The following NEGR1 variants were observed in gnomAD, a reference collection of about 807,000 sequenced individuals.
NEGR1 encodes the protein IgLON family member 4.
A neutral mutation model predicts 40.9 loss-of-function variants in NEGR1; 10 were observed. The ratio of observed to expected loss-of-function variants is 0.24; its 90% CI spans 0.15 to 0.42. The LOEUF is 0.42. NEGR1 is among the 10% of genes least tolerant of loss of function. The pLI is 1.00. For missense variants in NEGR1, 352 were observed against 438.9 expected (o/e 0.80, Z 1.77); for synonymous variants, 185 against 166.8 (o/e 1.11, Z -0.84).
At chr1:71,982,557 T>A (rs1024316208) in intron 1 of NEGR1, among the ~76,000 whole-genome samples, 1 of 152,216 alleles carries the variant, frequency 6.6e-6, no homozygotes, top group African/African-American at 2.4e-5. Flanking sequence ...AGTTACTGGC[T>A]ACTATATTAT....
intron 6 of NEGR1, among the ~76,000 whole-genome samples, chr1:71,589,372 C>T (rs188089240): frequency 6.6e-6 from 1 of 152,258 alleles, no homozygotes; most frequent in East Asian, 1.9e-4. Flanking sequence ...TCTTATCACT[C>T]TACATGGCTT....
intron 6 of NEGR1, among the ~76,000 whole-genome samples, chr1:71,412,098 C>G (rs546118450): frequency 2.0e-5 from 3 of 152,250 alleles, no homozygotes; most frequent in Non-Finnish European, 4.4e-5. Context: ...CAAGTATTCC[C>G]CATTGTCTAT....
At position 72,094,772 on chromosome 1, in the gene NEGR1, T is replaced by C. The variant is rs1479625205; in HGVS notation, c.177-159461A>G. On this transcript the variant is annotated intron_variant, in intron 1 of 6. Transcript: ENST00000357731. ...AAATAAAGTTCTCCTTTTGCCTCTG[T>C]AGATCTCACTGGTATTTTGTTAACA... 2.6e-5 allele frequency among the ~76,000 whole-genome samples: 4 copies of C among 152,200 alleles called. No individual in the cohort carries two copies. In the East Asian group the frequency reaches 7.7e-4, roughly 29 times the overall value.
intron 2 of NEGR1, among the ~76,000 whole-genome samples, chr1:71,783,020 C>T (rs543498728): frequency 6.6e-6 from 1 of 151,346 alleles, no homozygotes; most frequent in South Asian, 2.1e-4. Flanking sequence ...TGGATCTTTG[C>T]AAATTTAAAA....
At chr1:71,639,387 C>T (rs1651271740) in intron 4 of NEGR1, among the ~76,000 whole-genome samples, 1 of 151,950 alleles carries the variant, frequency 6.6e-6, no homozygotes, top group African/African-American at 2.4e-5. Flanking sequence ...TCAACAAAGC[C>T]GTATCTCATC....
At chr1:72,139,648 T>C (rs150303586) in intron 1 of NEGR1, among the ~76,000 whole-genome samples, 1 of 152,098 alleles carries the variant, frequency 6.6e-6, no homozygotes, top group East Asian at 1.9e-4. Flanking sequence ...ATCATTTATG[T>C]AAAATTCTAG....
chr1:71,898,406 G>C (rs1661030700), intron 2 of NEGR1, among the ~76,000 whole-genome samples: 1 of 152,166 alleles, frequency 6.6e-6, no homozygotes, highest in Non-Finnish European at 1.5e-5. Flanking sequence ...ACGAGGTCAG[G>C]AGATCGAGAC....
At chr1:71,827,844 C>T (rs1004270107) in intron 2 of NEGR1, among the ~76,000 whole-genome samples, 11 of 150,922 alleles carry the variant, frequency 7.3e-5, no homozygotes, top group Non-Finnish European at 8.9e-5. Flanking sequence ...CCAATTGACC[C>T]AGATAAAAAA....
chr1:72,145,376 A>ACTCTT (rs1650867367), intron 1 of NEGR1, among the ~76,000 whole-genome samples: 1 of 152,092 alleles, frequency 6.6e-6, no homozygotes, highest in Non-Finnish European at 1.5e-5. Context: ...GTTTACTTCA[A>ACTCTT]GTGAATTGAG....
intron 4 of NEGR1, among the ~76,000 whole-genome samples, chr1:71,695,889 AT>A (rs1012402779): frequency 2.0e-5 from 3 of 151,604 alleles, no homozygotes; most frequent in African/African-American, 7.3e-5. Flanking sequence ...GCCATTATAT[AT>A]TTTTTTTAAA....
intron 1 of NEGR1, among the ~76,000 whole-genome samples, chr1:72,223,578 A>G (rs545240400): frequency 5.3e-5 from 8 of 152,118 alleles, no homozygotes; most frequent in Non-Finnish European, 1.0e-4. Context: ...TGTCCTGCCT[A>G]TTTTATATTG....
At chr1:72,091,286 T>C (rs1029076804) in intron 1 of NEGR1, among the ~76,000 whole-genome samples, 7 of 152,078 alleles carry the variant, frequency 4.6e-5, no homozygotes, top group Non-Finnish European at 1.0e-4. Context: ...ACAATGACGA[T>C]ATTATAGACT....
At chr1:71,797,008 C>T (rs1367437725) in intron 2 of NEGR1, among the ~76,000 whole-genome samples, 1 of 152,018 alleles carries the variant, frequency 6.6e-6, no homozygotes, top group Admixed American at 6.6e-5. Context: ...TAAATATTTG[C>T]AGATGGTGAG....
intron 2 of NEGR1, among the ~76,000 whole-genome samples, chr1:71,812,698 T>C (rs901843564): frequency 1.4e-4 from 21 of 152,216 alleles, no homozygotes; most frequent in South Asian, 2.1e-4. Flanking sequence ...ATGTCTTATT[T>C]TGAGAAGTGT....
chr1:71,901,948 C>T (rs1570481255), intron 2 of NEGR1, among the ~76,000 whole-genome samples: 1 of 152,132 alleles, frequency 6.6e-6, no homozygotes, highest in Non-Finnish European at 1.5e-5. Flanking sequence ...AGATTACAGG[C>T]GTGAGCCACC....
chr1:72,246,536 C>A (rs923523815), intron 1 of NEGR1, among the ~76,000 whole-genome samples: 1 of 152,200 alleles, frequency 6.6e-6, no homozygotes, highest in Non-Finnish European at 1.5e-5. Flanking sequence ...TAAACTTTGA[C>A]CACCTTAAGA....
intron 2 of NEGR1, among the ~76,000 whole-genome samples, chr1:71,800,328 C>T (rs191286537): frequency 6.6e-6 from 1 of 152,226 alleles, no homozygotes; most frequent in East Asian, 1.9e-4. Flanking sequence ...GTTTCTTTTG[C>T]TGTACAGAAG....
At chr1:71,571,701 G>A (rs1343669926) in intron 6 of NEGR1, among the ~76,000 whole-genome samples, 1 of 148,978 alleles carries the variant, frequency 6.7e-6, no homozygotes, top group Non-Finnish European at 1.5e-5. Context: ...GCTGAGGTGG[G>A]AAGATGGCTT....
intron 2 of NEGR1, among the ~76,000 whole-genome samples, chr1:71,931,494 T>C (rs1286697117): frequency 3.3e-5 from 5 of 152,098 alleles, no homozygotes; most frequent in African/African-American, 9.7e-5. Flanking sequence ...TCCAACAGCA[T>C]AGTACCAGCA....
Sources: allele counts gnomAD v4.1 joint callset (sites outside exome capture counted in the v4.1 genomes callset), GRCh38; gene constraint gnomAD v4.1.1; transcripts MANE v1.5; gene names NCBI Gene and HGNC (gene_info 2026-07-23, HGNC 2026-07-21).